The following CLIC5 variants were observed in gnomAD, a reference collection of about 807,000 sequenced individuals.
The protein encoded by CLIC5 is chloride intracellular channel protein 5.
A neutral mutation model predicts 24.7 loss-of-function variants in CLIC5; 20 were observed. The observed-to-expected ratio is 0.81, with a 90% CI of 0.57 to 1.18. The LOEUF is 1.18. Ranked by LOEUF, CLIC5 falls within the 50% of genes most tolerant of loss-of-function variation. The pLI is 0.00. For synonymous variants in CLIC5, 159 were observed against 135.6 expected (o/e 1.17, Z -1.20); for missense variants, 341 against 326.1 (o/e 1.05, Z -0.35).
At chr6:45,886,757 G>A (rs1762309235) in intron 6 of CLIC5, among the ~76,000 whole-genome samples, 1 of 152,198 alleles carries the variant, frequency 6.6e-6, no homozygotes. Flanking sequence ...CAAAGCTGAT[G>A]TGTTTGCCTC....
intron 4 of CLIC5, among the ~76,000 whole-genome samples, chr6:45,926,372 C>T (rs1581747185): frequency 6.6e-6 from 1 of 151,436 alleles, no homozygotes; most frequent in East Asian, 1.9e-4. Flanking sequence ...CTCAGCCTCC[C>T]GAGTAGCTGG....
intron 1 of CLIC5, among the ~76,000 whole-genome samples, chr6:45,972,498 C>T (rs1473639349): frequency 6.6e-6 from 1 of 152,196 alleles, no homozygotes; most frequent in East Asian, 1.9e-4. Flanking sequence ...TATCTCTCCC[C>T]TGGAACTCCC....
chr6:46,078,571 A>G (rs1395324452), intron 1 of CLIC5, among the ~76,000 whole-genome samples: 2 of 152,206 alleles, frequency 1.3e-5, no homozygotes, highest in Non-Finnish European at 2.9e-5. Flanking sequence ...ATTAGAATAC[A>G]TTGAGTGCAA....
At chr6:46,080,197 C>T (rs1209766362) in exon 1 of CLIC5, 2 of 1,551,634 alleles carry the variant, frequency 1.3e-6, no homozygotes, top group Admixed American at 2.0e-5. Context: ...TACGTCCTCT[C>T]ATTTTGGATT....
chr6:45,993,116 G>C (rs939319899), intron 1 of CLIC5, among the ~76,000 whole-genome samples: 3 of 152,200 alleles, frequency 2.0e-5, no homozygotes, highest in African/African-American at 7.2e-5. Flanking sequence ...AACTCCAGTT[G>C]GTCCTGAAGC....
chr6:46,108,401 T>TGTGTGTGTGTGTGTGA, the CLIC5 span, among the ~76,000 whole-genome samples: 37 of 141,760 alleles, frequency 2.6e-4, no homozygotes, highest in East Asian at 1.9e-3. Context: ...TGTGTGTGTG[T>TGTGTGTGTGTGTGTGA]GAGAGAGAGA....
chr6:45,940,788 T>C (rs1314512543), intron 4 of CLIC5, among the ~76,000 whole-genome samples: 5 of 152,212 alleles, frequency 3.3e-5, no homozygotes, highest in Admixed American at 3.3e-4. Flanking sequence ...AGCCTGTTCC[T>C]CCTGGGCCTA....
intron 1 of CLIC5, among the ~76,000 whole-genome samples, chr6:45,971,215 T>C (rs560957777): frequency 3.3e-5 from 5 of 152,240 alleles, no homozygotes; most frequent in Non-Finnish European, 7.3e-5. Flanking sequence ...AGCCATCTGG[T>C]ATATAGAATA....
At chr6:46,015,418 C>T (rs1419183155) in intron 1 of CLIC5, 62 bp downstream of exon 1, 1 of 1,445,196 alleles carries the variant, frequency 6.9e-7, no homozygotes, top group Non-Finnish European at 9.2e-7. Context: ...CACCCCGAGC[C>T]CTGGTGGGTG....
chr6:45,958,957 C>T (rs1015565449), intron 1 of CLIC5, among the ~76,000 whole-genome samples: 1 of 75,490 alleles, frequency 1.3e-5, no homozygotes. Context: ...AAAATACATG[C>T]ATACATACTA....
At position 45,912,748 on chromosome 6, in the gene CLIC5, A is replaced by G. The variant is rs75878754; in HGVS notation, c.588+1480T>C. 8.6e-3 allele frequency: 13,038 copies of G among 1,518,520 alleles called. 417 individuals carry two copies. In the East Asian group the frequency reaches 0.094, roughly 11 times the overall value. The allele number at this position is 1,518,520 out of a possible 1,614,324, so 94.1% of individuals were successfully genotyped here. ...TTCAGTGGTACTTGTTCCTAAGGAG[A>G]AGAAGAATAAAGGATGATGGGTGGG... On this transcript the variant is annotated intron_variant, in intron 5 of 5. Coordinates refer to ENST00000339561, the MANE Select transcript of CLIC5 (RefSeq NM_016929.5).
chr6:46,041,225 T>C (rs1767798908), intron 1 of CLIC5, among the ~76,000 whole-genome samples: 1 of 152,252 alleles, frequency 6.6e-6, no homozygotes, highest in African/African-American at 2.4e-5. Context: ...TGCAGGTGCA[T>C]AGAGTTTAAT....
chr6:46,119,224 T>C, the CLIC5 span, among the ~76,000 whole-genome samples: 1 of 152,212 alleles, frequency 6.6e-6, no homozygotes, highest in Non-Finnish European at 1.5e-5. Context: ...ACTTACACCA[T>C]GCTAATCTGC....
At chr6:45,991,162 A>G (rs1301869340) in intron 1 of CLIC5, among the ~76,000 whole-genome samples, 1 of 152,210 alleles carries the variant, frequency 6.6e-6, no homozygotes, top group African/African-American at 2.4e-5. Context: ...AACATAGTAA[A>G]GGAAAGATTT....
chr6:45,950,600 A>AT (rs1764439665), intron 2 of CLIC5, among the ~76,000 whole-genome samples: 1 of 152,152 alleles, frequency 6.6e-6, no homozygotes, highest in African/African-American at 2.4e-5. Context: ...AAACTCATAC[A>AT]TTTTAAATTT....
intron 1 of CLIC5, among the ~76,000 whole-genome samples, chr6:46,042,772 G>C (rs1456972340): frequency 3.3e-5 from 5 of 152,190 alleles, no homozygotes; most frequent in Admixed American, 3.3e-4. Context: ...CTGTTTGCCA[G>C]GTGAGGATGC....
downstream of CLIC5, among the ~76,000 whole-genome samples, chr6:45,893,633 G>A (rs531576210): frequency 1.3e-5 from 2 of 152,204 alleles, no homozygotes; most frequent in East Asian, 3.9e-4. Flanking sequence ...TTATGCTGAA[G>A]GCCAAGAGCT....
rs149095412 is a variant in CLIC5, at chr6:45,948,752, G to A, written c.299+504C>T. 7.6e-3 allele frequency among the ~76,000 whole-genome samples: 1,158 copies of A among 152,214 alleles called. 19 individuals are homozygous for A. The highest frequency in any genetic ancestry group is 0.027 in the Admixed American group (420 of 15,286). On this transcript the variant is annotated intron_variant, in intron 3 of 5. Transcript: ENST00000339561. ...TGAACCTGTTTGCAGAAGAGGAGCT[G>A]CTGCTTTTAGTTGATTTTTTTCATC...
At chr6:46,001,927 C>T (rs1010360040) in intron 1 of CLIC5, among the ~76,000 whole-genome samples, 3 of 152,170 alleles carry the variant, frequency 2.0e-5, no homozygotes, top group Admixed American at 1.3e-4. Context: ...ATAATGCCTT[C>T]CCTGATCCTG....
Sources: gnomAD v4.1 joint callset for allele counts (sites outside exome capture counted in the v4.1 genomes callset) on GRCh38, gnomAD v4.1.1 for gene constraint, MANE v1.5 for transcripts, NCBI Gene and HGNC (gene_info 2026-07-23, HGNC 2026-07-21) for gene names.